Variants in ANKHD1 observed in about 807,000 individuals in gnomAD.
ANKHD1 encodes ankyrin repeat and KH domain-containing protein 1.
A neutral mutation model predicts 230.5 loss-of-function variants in ANKHD1; 31 were observed. The observed-to-expected ratio is 0.13, with a 90% CI of 0.10 to 0.18. ANKHD1 has a LOEUF of 0.18. ANKHD1 is among the 10% of genes least tolerant of loss of function. ANKHD1 has a pLI of 1.00. For synonymous variants in ANKHD1, 1,074 were observed against 1,117.6 expected (o/e 0.96, Z 0.78); for missense variants, 2,256 against 3,071.3 (o/e 0.73, Z 6.27).
At chr5:140,524,266 C>G in intron 25 of ANKHD1, 26 bp downstream of exon 25, 1 of 1,537,266 alleles carries the variant, frequency 6.5e-7, no homozygotes. Flanking sequence ...TCTGAATTAA[C>G]GATAAAATTC....
chr5:140,510,331 G>A, intron 22 of ANKHD1, 150 bp downstream of exon 22: 1 of 477,972 alleles, frequency 2.1e-6, no homozygotes, highest in Non-Finnish European at 2.9e-6. Context: ...TTTTTTTTTT[G>A]AGACGGAGTC....
intron 15 of ANKHD1, among the ~76,000 whole-genome samples, chr5:140,499,739 G>A (rs1752193965): frequency 6.6e-6 from 1 of 152,052 alleles, no homozygotes; most frequent in Admixed American, 6.6e-5. Context: ...GTGAGCATTG[G>A]GTTTTTAGCA....
At chr5:140,454,432 C>G (rs1453106650) in intron 7 of ANKHD1, among the ~76,000 whole-genome samples, 2 of 152,192 alleles carry the variant, frequency 1.3e-5, no homozygotes, top group Admixed American at 6.5e-5. Context: ...CCACATCACA[C>G]TTATTCCAAA....
chr5:140,453,967 A>C (rs1304788651), intron 7 of ANKHD1, among the ~76,000 whole-genome samples: 1 of 152,186 alleles, frequency 6.6e-6, no homozygotes, highest in Non-Finnish European at 1.5e-5. Context: ...TTCAGGAGAC[A>C]CATCTCACGT....
intron 1 of ANKHD1, among the ~76,000 whole-genome samples, chr5:140,432,434 A>G (rs939342219): frequency 2.6e-5 from 4 of 152,162 alleles, no homozygotes; most frequent in South Asian, 2.1e-4. Flanking sequence ...ATAATATTCA[A>G]TTGCATGGAT....
intron 7 of ANKHD1, among the ~76,000 whole-genome samples, chr5:140,451,596 C>T (rs1283248825): frequency 1.3e-5 from 2 of 152,138 alleles, no homozygotes; most frequent in Non-Finnish European, 2.9e-5. Flanking sequence ...CAACCTCTGC[C>T]TCCTATGCTG....
intron 1 of ANKHD1, among the ~76,000 whole-genome samples, chr5:140,412,955 G>C (rs1771059534): frequency 6.6e-6 from 1 of 152,140 alleles, no homozygotes; most frequent in South Asian, 2.1e-4. Flanking sequence ...TTCTCACAAA[G>C]TTTTCCACTT....
At chr5:140,443,584 G>C (rs923168023) in intron 5 of ANKHD1, among the ~76,000 whole-genome samples, 1 of 151,864 alleles carries the variant, frequency 6.6e-6, no homozygotes, top group Non-Finnish European at 1.5e-5. Context: ...CCAGCTACTC[G>C]GGAGGCTGAG....
intron 1 of ANKHD1, among the ~76,000 whole-genome samples, chr5:140,421,597 G>A (rs1040410226): frequency 4.6e-5 from 7 of 152,054 alleles, no homozygotes; most frequent in Non-Finnish European, 1.0e-4. Context: ...CACCGTGCCC[G>A]GCCGAGTTTT....
intron 14 of ANKHD1, among the ~76,000 whole-genome samples, chr5:140,495,050 C>T (rs1751963607): frequency 6.6e-6 from 1 of 152,068 alleles, no homozygotes; most frequent in Non-Finnish European, 1.5e-5. Context: ...TCCTCATTTT[C>T]ACTGTTATAA....
intron 1 of ANKHD1, among the ~76,000 whole-genome samples, chr5:140,409,149 AC>A (rs1770719520): frequency 6.6e-6 from 1 of 152,120 alleles, no homozygotes; most frequent in Non-Finnish European, 1.5e-5. Context: ...GTTTTGTTAT[AC>A]TCTGTATTCA....
intron 1 of ANKHD1, among the ~76,000 whole-genome samples, chr5:140,413,514 C>T (rs1164609588): frequency 6.6e-6 from 1 of 152,116 alleles, no homozygotes; most frequent in Non-Finnish European, 1.5e-5. Flanking sequence ...CTCCCTTCCC[C>T]CAACCCCTAG....
At chr5:140,491,101 TATATATACACACACACAC>T (rs1751757090) in intron 14 of ANKHD1, among the ~76,000 whole-genome samples, 2 of 125,744 alleles carry the variant, frequency 1.6e-5, no homozygotes, top group African/African-American at 5.8e-5. Context: ...TGTATATATA[TATATATACACACACACAC>T]ATATATATAT....
Position 140,535,362 on chromosome 5 carries a change from GGTT to G in ANKHD1, c.6852_6854del (p.Leu2285del). On this transcript the variant is annotated inframe_deletion and splice_region_variant, in exon 30 of 34. Coordinates refer to ENST00000360839, the MANE Select transcript of ANKHD1 (RefSeq NM_017747.3). The stretch of plus-strand genomic sequence containing the variant: ...ATGTCTTGGACCTGTTTTATTTCAG[GGTT>G]ACCATCCATTGACCCATCAGGCAGC... The G allele has an allele frequency of 6.3e-7, 1 of 1,587,172 alleles. No individual in the cohort carries two copies. The highest frequency in any genetic ancestry group is 8.5e-7 in the Non-Finnish European group (1 of 1,170,268).
At chr5:140,402,883 C>T (rs1053943360) in intron 1 of ANKHD1, among the ~76,000 whole-genome samples, 2 of 151,832 alleles carry the variant, frequency 1.3e-5, no homozygotes, top group African/African-American at 2.4e-5. Flanking sequence ...TCCAGGGCAT[C>T]CCTGAGCTTC....
Position 140,485,795 on chromosome 5 carries a change from T to C in ANKHD1, c.2142+63T>C. The stretch of plus-strand genomic sequence containing the variant: ...TCTTCAACATGATTAGAAGTTTTTG[T>C]TTAAAATCAGTTTTAAGCAAAATGG... On this transcript the variant is annotated intron_variant, in intron 13 of 33. Coordinates refer to ENST00000360839, the MANE Select transcript of ANKHD1 (RefSeq NM_017747.3). This position sits in a 1 kb window ranked among gnomAD's most constrained non-coding sequence, Gnocchi z 4.8. 2 of 1,588,060 alleles carry C rather than the reference T, an allele frequency of 1.3e-6. No homozygotes were observed. The highest frequency in any genetic ancestry group is 1.7e-6 in the Non-Finnish European group (2 of 1,172,726).
chr5:140,530,689 C>G (rs1392719549), intron 29 of ANKHD1, among the ~76,000 whole-genome samples: 2 of 152,234 alleles, frequency 1.3e-5, no homozygotes, highest in African/African-American at 4.8e-5. Context: ...GAACCAGAAT[C>G]TATTTTCTAT....
At chr5:140,435,746 G>C (rs1206898692) in intron 1 of ANKHD1, among the ~76,000 whole-genome samples, 1 of 151,912 alleles carries the variant, frequency 6.6e-6, no homozygotes, top group Non-Finnish European at 1.5e-5. Flanking sequence ...TGTTGCCCAG[G>C]CTGGTGTCAA....
intron 15 of ANKHD1, among the ~76,000 whole-genome samples, chr5:140,501,180 ATTCCCC>A: frequency 6.7e-6 from 1 of 149,610 alleles, no homozygotes; most frequent in African/African-American, 2.5e-5. Context: ...GGTTCAAGCG[ATTCCCC>A]TTGCCTCAGC....
Sources: allele counts gnomAD v4.1 joint callset (sites outside exome capture counted in the v4.1 genomes callset), GRCh38; gene constraint gnomAD v4.1.1; non-coding constraint Gnocchi (gnomAD v3.1); transcripts MANE v1.5; gene names NCBI Gene and HGNC (gene_info 2026-07-23, HGNC 2026-07-21).